The following SPON1 variants were observed in gnomAD, a reference collection of about 807,000 sequenced individuals.
SPON1 encodes the protein spondin 1, also known as spondin-1.
SPON1 carries 52 observed loss-of-function variants against 111.7 expected under a neutral mutation model. The observed-to-expected ratio is 0.47, with a 90% CI of 0.37 to 0.59. The LOEUF (loss-of-function observed/expected upper bound fraction) is 0.59, where lower values mean the gene tolerates loss of function less well. Ranked by LOEUF, SPON1 falls within the 20% of genes least tolerant of loss-of-function variation. The probability of loss-of-function intolerance (pLI) is 0.00; values close to 1 mark genes in which losing one functional copy is unlikely to be tolerated. For missense variants in SPON1, 957 were observed against 1,068.5 expected, an observed-to-expected ratio of 0.90 and a Z score of 1.46; for synonymous variants, 410 against 395.8, an observed-to-expected ratio of 1.04 and a Z score of -0.43.
intron 2 of SPON1, among the ~76,000 whole-genome samples, chr11:13,991,831 T>G (rs1412242851): frequency 6.6e-6 from 1 of 152,218 alleles, no homozygotes; most frequent in Non-Finnish European, 1.5e-5. Flanking sequence ...GCTGCCAGTC[T>G]GCTGGAGTTT....
chr11:14,249,634 A>G (rs541825923), intron 7 of SPON1, among the ~76,000 whole-genome samples: 183 of 152,338 alleles, frequency 1.2e-3, no homozygotes, highest in Non-Finnish European at 2.0e-3. Flanking sequence ...AACCCTCCTG[A>G]GTCTCACTGG....
chr11:14,203,526 G>A (rs1230562427), intron 6 of SPON1, among the ~76,000 whole-genome samples: 1 of 152,202 alleles, frequency 6.6e-6, no homozygotes, highest in South Asian at 2.1e-4. Context: ...CATTCCAAAA[G>A]GCATTGTACC....
intron 6 of SPON1, among the ~76,000 whole-genome samples, chr11:14,197,516 T>TAAATAAA (rs1288869081): frequency 6.6e-6 from 1 of 150,616 alleles, no homozygotes; most frequent in Non-Finnish European, 1.5e-5. Flanking sequence ...AATAAATAAA[T>TAAATAAA]AAATAAACAA....
At chr11:14,145,130 T>A (rs1554929199) in intron 6 of SPON1, among the ~76,000 whole-genome samples, 1 of 152,176 alleles carries the variant, frequency 6.6e-6, no homozygotes, top group Non-Finnish European at 1.5e-5. Context: ...ATGATTTGAG[T>A]CATATGAAAC....
chr11:13,963,202 C>T (rs11023039), intron 1 of SPON1, 60 bp downstream of exon 1: 278,235 of 1,320,384 alleles, frequency 0.21, 29,836 homozygotes, highest in Admixed American at 0.28. Flanking sequence ...AGGGCGCCGA[C>T]CTCGCGGTGC....
intron 2 of SPON1, among the ~76,000 whole-genome samples, chr11:14,025,497 G>T (rs1210635624): frequency 6.6e-6 from 1 of 152,156 alleles, no homozygotes; most frequent in Non-Finnish European, 1.5e-5. Flanking sequence ...AAAATCACCT[G>T]AAGCCCTTAG....
intron 4 of SPON1, among the ~76,000 whole-genome samples, chr11:14,076,241 C>T (rs80070796): frequency 0.072 from 10,922 of 152,132 alleles, 521 homozygotes; most frequent in South Asian, 0.19. Context: ...ATAAAAAATG[C>T]TCTATATTTA....
chr11:14,119,893 ATTAGT>A (rs1442251963), intron 5 of SPON1, among the ~76,000 whole-genome samples: 1 of 152,274 alleles, frequency 6.6e-6, no homozygotes, highest in South Asian at 2.1e-4. Context: ...ACTTAAATTG[ATTAGT>A]TTATTTAAAT....
chr11:13,973,472 T>C (rs1848079162), intron 1 of SPON1, among the ~76,000 whole-genome samples: 1 of 152,202 alleles, frequency 6.6e-6, no homozygotes, highest in Non-Finnish European at 1.5e-5. Context: ...GCTATCCACG[T>C]GTTGTTCAGC....
At chr11:13,991,068 G>A (rs542782178) in intron 2 of SPON1, among the ~76,000 whole-genome samples, 3 of 152,208 alleles carry the variant, frequency 2.0e-5, no homozygotes, top group African/African-American at 4.8e-5. Context: ...TGCTCTTCTC[G>A]AGGAGTATCT....
At chr11:14,087,109 T>A (rs1849012932) in intron 5 of SPON1, among the ~76,000 whole-genome samples, 1 of 129,550 alleles carries the variant, frequency 7.7e-6, no homozygotes, top group African/African-American at 2.6e-5. Context: ...CTGGATTCAC[T>A]GATTTTTTTT....
chr11:14,006,828 A>T (rs978476010), intron 2 of SPON1, among the ~76,000 whole-genome samples: 2 of 152,182 alleles, frequency 1.3e-5, no homozygotes, highest in Non-Finnish European at 2.9e-5. Flanking sequence ...TTCAGTGCAG[A>T]TTGGCCAGTT....
At chr11:14,123,936 T>C (rs1847425927) in intron 5 of SPON1, among the ~76,000 whole-genome samples, 1 of 152,206 alleles carries the variant, frequency 6.6e-6, no homozygotes, top group Non-Finnish European at 1.5e-5. Context: ...GCTTAATATA[T>C]TTTGCCCACT....
intron 2 of SPON1, among the ~76,000 whole-genome samples, chr11:14,015,030 TGG>T (rs1277735660): frequency 6.6e-6 from 1 of 152,158 alleles, no homozygotes; most frequent in African/African-American, 2.4e-5. Flanking sequence ...AACAGAATTG[TGG>T]GCAGGCCTCA....
chr11:14,175,536 C>A (rs1848165482), intron 6 of SPON1, among the ~76,000 whole-genome samples: 1 of 152,134 alleles, frequency 6.6e-6, no homozygotes, highest in Non-Finnish European at 1.5e-5. Context: ...AAGACAAATT[C>A]TTATTACAAA....
At chr11:14,185,111 T>C (rs1848272877) in intron 6 of SPON1, among the ~76,000 whole-genome samples, 1 of 152,222 alleles carries the variant, frequency 6.6e-6, no homozygotes, top group African/African-American at 2.4e-5. Flanking sequence ...TCTGCTTAGA[T>C]ACAAGAGTGG....
intron 6 of SPON1, among the ~76,000 whole-genome samples, chr11:14,160,253 T>A (rs962242434): frequency 6.8e-6 from 1 of 146,720 alleles, no homozygotes; most frequent in African/African-American, 2.5e-5. Context: ...CCTGATAAAC[T>A]CAGGATGTTT....
chr11:14,193,560 T>C (rs1848369874), intron 6 of SPON1, among the ~76,000 whole-genome samples: 1 of 152,202 alleles, frequency 6.6e-6, no homozygotes, highest in Non-Finnish European at 1.5e-5. Context: ...AAAGTGCATT[T>C]TAAGTGAACT....
chr11:14,049,684 A>G (rs1848694284), intron 3 of SPON1, among the ~76,000 whole-genome samples: 3 of 152,198 alleles, frequency 2.0e-5, no homozygotes, highest in African/African-American at 4.8e-5. Flanking sequence ...AGGGAAAATC[A>G]TGAACATACA....
Sources: gnomAD v4.1 joint callset for allele counts (sites outside exome capture counted in the v4.1 genomes callset) on GRCh38, gnomAD v4.1.1 for gene constraint, MANE v1.5 for transcripts, NCBI Gene and HGNC (gene_info 2026-07-23, HGNC 2026-07-21) for gene names.